The following HSD17B4 variants were observed in gnomAD, a reference collection of about 807,000 sequenced individuals.
HSD17B4 encodes hydroxysteroid 17-beta dehydrogenase 4, also known as peroxisomal multifunctional enzyme type 2.
In HSD17B4, 70 loss-of-function variants were observed where a neutral mutation model predicts 101.0. That is an observed-to-expected ratio of 0.69 (90% CI 0.57 to 0.85). The LOEUF is 0.85. Ranked by LOEUF, HSD17B4 falls within the 40% of genes least tolerant of loss-of-function variation. The pLI is 0.00. For missense variants in HSD17B4, 984 were observed against 892.4 expected (o/e 1.10, Z -1.31); for synonymous variants, 347 against 297.1 (o/e 1.17, Z -1.73).
chr5:119,506,366 A>G (rs1013614364), intron 14 of HSD17B4, among the ~76,000 whole-genome samples: 1 of 152,160 alleles, frequency 6.6e-6, no homozygotes, highest in Non-Finnish European at 1.5e-5. Flanking sequence ...TTATGGCTGC[A>G]TAGTATTCCA....
At chr5:119,464,885 C>G (rs888885200) in intron 2 of HSD17B4, among the ~76,000 whole-genome samples, 2 of 152,300 alleles carry the variant, frequency 1.3e-5, no homozygotes, top group Admixed American at 1.3e-4. Flanking sequence ...TGAGCCACCG[C>G]GCCCGGCCTT....
At chr5:119,524,529 C>T (rs1178917493) in intron 17 of HSD17B4, among the ~76,000 whole-genome samples, 1 of 152,084 alleles carries the variant, frequency 6.6e-6, no homozygotes, top group African/African-American at 2.4e-5. Context: ...GAATTTCTTC[C>T]TTTCAGTGCT....
rs771510541 is a variant in HSD17B4, at chr5:119,536,545, C to T, written c.2116C>T (p.Gln706Ter). ...MEVVLGKLDP[Q>*]KAFFSGRLKA... is the part of the protein sequence containing the mutation. ...GGTGGTCCTGGGCAAGCTTGACCCT[C>T]AGAAGGTAATGTTCTCAAATGTTCA... is the stretch of plus-strand genomic sequence containing the variant. Residue 706 changes from glutamine to a stop codon, truncating the protein, a stop_gained, in exon 23 of 24, where the codon CAG becomes TAG. Transcript: ENST00000510025. LOFTEE classifies it high-confidence loss of function. 5.0e-6 allele frequency: 8 copies of T among 1,611,736 alleles called. No homozygotes were observed. The South Asian group carries it at 5.5e-5, about 11-fold the overall frequency.
rs892281011 is a variant in HSD17B4, at chr5:119,525,376, G to C, written c.1573+91G>C. ...AAGACACTACTACTTATGACTGGTA[G>C]TTTGAGTAGCATTTAAAAAAATGTT... is the stretch of plus-strand genomic sequence containing the variant. On this transcript the variant is annotated intron_variant, in intron 18 of 23. Transcript: ENST00000510025. 5.0e-6 allele frequency: 4 copies of C among 804,066 alleles called. No homozygotes were observed. The African/African-American group carries it at 6.9e-5, about 14-fold the overall frequency. 49.8% of individuals were successfully genotyped at this position (804,066 alleles called of 1,614,324 possible). A position where few individuals can be genotyped will look rare whatever the true frequency, so the allele number is the denominator to read the frequency against.
chr5:119,464,874 G>A (rs1475093709), intron 2 of HSD17B4, among the ~76,000 whole-genome samples: 4 of 152,170 alleles, frequency 2.6e-5, no homozygotes, highest in Admixed American at 6.5e-5. Flanking sequence ...GATTATAGGC[G>A]TGAGCCACCG....
chr5:119,473,273 C>CG (rs369162095), intron 2 of HSD17B4, among the ~76,000 whole-genome samples: 1 of 36,964 alleles, frequency 2.7e-5, no homozygotes, highest in Non-Finnish European at 4.6e-5. Context: ...GTGGATGAAT[C>CG]TTTTTTTTTT....
At position 119,531,302 on chromosome 5, in the gene HSD17B4, A is replaced by C; in HGVS notation, c.1891A>C (p.Ile631Leu). ...KLQSTFVFEE[I>L]GRRLKDIGPE... The stretch of plus-strand genomic sequence containing the variant: ...TCAGAGTACCTTTGTATTTGAGGAA[A>C]TAGGACGCCGCCTAAAGGATATTGG... Residue 631 changes from isoleucine to leucine, a missense_variant, in exon 22 of 24, where the codon ATA becomes CTA. By Grantham distance (5) the Ile-to-Leu change is conservative. Transcript: ENST00000510025. The C allele has an allele frequency of 6.2e-7, 1 of 1,613,710 alleles. No homozygotes were observed. Among genetic ancestry groups the C allele is most frequent in the Non-Finnish European group, 8.5e-7 (1 of 1,179,750 alleles).
chr5:119,491,755 T>C (rs775972233), intron 9 of HSD17B4, among the ~76,000 whole-genome samples: 4 of 152,176 alleles, frequency 2.6e-5, no homozygotes, highest in Admixed American at 6.5e-5. Context: ...ACATGAAATA[T>C]GTACTGTCAT....
chr5:119,511,083 C>A (rs1186085343), intron 16 of HSD17B4, among the ~76,000 whole-genome samples: 1 of 152,196 alleles, frequency 6.6e-6, no homozygotes. Flanking sequence ...GAAGCTACTA[C>A]ACCTGCCCTG....
chr5:119,531,853 A>T (rs1016064185), intron 22 of HSD17B4, among the ~76,000 whole-genome samples: 1 of 152,138 alleles, frequency 6.6e-6, no homozygotes, highest in Non-Finnish European at 1.5e-5. Context: ...ATCAATATAA[A>T]ATCACTATTT....
rs1754677581 is a variant in HSD17B4, at chr5:119,456,474, A to G, written c.112+106A>G. 5.9e-6 allele frequency: 5 copies of G among 842,540 alleles called. No homozygotes were observed. The Admixed American group carries it at 8.1e-5, about 14-fold the overall frequency. The allele number at this position is 842,540 out of a possible 1,614,324, so 52.2% of individuals were successfully genotyped here. On this transcript the variant is annotated intron_variant, in intron 2 of 23. Transcript: ENST00000510025. ...AAATAATTTGTCAAGGTTGAATTTT[A>G]TTATTAATTTTTACTTTTGCCAGAA...
intron 8 of HSD17B4, among the ~76,000 whole-genome samples, chr5:119,485,762 C>A (rs1435808581): frequency 3.9e-5 from 6 of 152,132 alleles, no homozygotes; most frequent in Non-Finnish European, 8.8e-5. Context: ...ATGTTTCTTA[C>A]ATGAAATAAA....
At chr5:119,516,167 C>T (rs1445622362) in intron 17 of HSD17B4, among the ~76,000 whole-genome samples, 1 of 152,026 alleles carries the variant, frequency 6.6e-6, no homozygotes, top group Non-Finnish European at 1.5e-5. Flanking sequence ...ATGGAGGGAA[C>T]ATTGTTTTAT....
At chr5:119,525,383 T>G (rs1343008007) in intron 18 of HSD17B4, 98 bp downstream of exon 18, 7 of 775,782 alleles carry the variant, frequency 9.0e-6, no homozygotes, top group Middle Eastern at 2.7e-4. Flanking sequence ...GTAGTTTGAG[T>G]AGCATTTAAA....
chr5:119,457,942 T>G (rs1002343936), intron 2 of HSD17B4, among the ~76,000 whole-genome samples: 1 of 152,216 alleles, frequency 6.6e-6, no homozygotes, highest in African/African-American at 2.4e-5. Flanking sequence ...TTTATAAACC[T>G]GTTTTGTAAA....
chr5:119,531,569 G>T (rs1366841787), intron 22 of HSD17B4, among the ~76,000 whole-genome samples, 165 bp downstream of exon 22: 1 of 120,284 alleles, frequency 8.3e-6, no homozygotes, highest in African/African-American at 3.7e-5. Flanking sequence ...CCAAAGGGGG[G>T]TGTGTGTGTG....
At chr5:119,503,032 GTTAAT>G (rs1309348981) in intron 14 of HSD17B4, among the ~76,000 whole-genome samples, 1 of 151,160 alleles carries the variant, frequency 6.6e-6, no homozygotes, top group African/African-American at 2.4e-5. Context: ...TATATTATCT[GTTAAT>G]TTAAGTAAAA....
intron 2 of HSD17B4, among the ~76,000 whole-genome samples, chr5:119,466,850 C>T (rs1755865195): frequency 6.6e-6 from 1 of 151,836 alleles, no homozygotes; most frequent in Admixed American, 6.6e-5. Flanking sequence ...TTTTCTAGTT[C>T]TTTTAGATGC....
intron 8 of HSD17B4, among the ~76,000 whole-genome samples, chr5:119,482,502 C>T (rs180674142): frequency 1.3e-3 from 195 of 152,226 alleles, no homozygotes; most frequent in Middle Eastern, 3.4e-3. Flanking sequence ...TGCCTTTTAA[C>T]ATGGGTTGCA....
Sources: gnomAD v4.1 joint callset for allele counts (sites outside exome capture counted in the v4.1 genomes callset) on GRCh38, gnomAD v4.1.1 for gene constraint, MANE v1.5 for transcripts, NCBI Gene and HGNC (gene_info 2026-07-23, HGNC 2026-07-21) for gene names.